MATN2: variants seen among roughly 807,000 people sequenced by gnomAD.
The protein encoded by MATN2 is matrilin-2.
Under a neutral mutation model 103.2 loss-of-function variants are expected in MATN2, and 69 were observed. The ratio of observed to expected loss-of-function variants is 0.67; its 90% CI spans 0.55 to 0.82. The LOEUF is 0.82. MATN2 is among the 40% of genes least tolerant of loss of function. The pLI, the probability that MATN2 is intolerant of heterozygous loss-of-function variation, is 0.00. For synonymous variants in MATN2, 429 were observed against 450.2 expected, an observed-to-expected ratio of 0.95 and a Z score of 0.60; for missense variants, 1,023 against 1,211.5, an observed-to-expected ratio of 0.84 and a Z score of 2.31.
intron 1 of MATN2, among the ~76,000 whole-genome samples, chr8:97,882,422 T>C (rs910858756): frequency 4.6e-4 from 70 of 152,098 alleles, no homozygotes; most frequent in African/African-American, 1.6e-3. Context: ...GGCCGGGTCT[T>C]GCTCTGTCAC....
chr8:97,938,753 T>C (rs1414322409), intron 3 of MATN2, among the ~76,000 whole-genome samples: 1 of 152,216 alleles, frequency 6.6e-6, no homozygotes, highest in Non-Finnish European at 1.5e-5. Context: ...ACTAAACCAT[T>C]GCTCCATATA....
intron 3 of MATN2, among the ~76,000 whole-genome samples, chr8:97,933,517 G>A (rs916823595): frequency 7.3e-6 from 1 of 137,814 alleles, no homozygotes; most frequent in Non-Finnish European, 1.6e-5. Context: ...GGGACTGACC[G>A]CCCCCCTCCC....
intron 2 of MATN2, among the ~76,000 whole-genome samples, chr8:97,891,374 G>A (rs1377448575): frequency 6.6e-6 from 1 of 152,042 alleles, no homozygotes; most frequent in Non-Finnish European, 1.5e-5. Context: ...GGGTCTCACT[G>A]TCTCCCAGGC....
chr8:98,008,711 G>A (rs1041207858), intron 10 of MATN2, among the ~76,000 whole-genome samples: 6 of 152,168 alleles, frequency 3.9e-5, no homozygotes, highest in Admixed American at 1.3e-4. Flanking sequence ...AAGAGGGTGG[G>A]TGTGTTGAAC....
At chr8:97,872,866 C>T (rs549392948) in intron 1 of MATN2, among the ~76,000 whole-genome samples, 1 of 152,046 alleles carries the variant, frequency 6.6e-6, no homozygotes, top group East Asian at 1.9e-4. Context: ...GTGATCTTGG[C>T]TCACTGCAGC....
intron 1 of MATN2, among the ~76,000 whole-genome samples, chr8:97,878,126 AAC>A (rs1295117816): frequency 6.6e-6 from 1 of 152,248 alleles, no homozygotes; most frequent in African/African-American, 2.4e-5. Flanking sequence ...TTTCTAAATT[AAC>A]ACATTATTTT....
At position 97,922,880 on chromosome 8, in the gene MATN2, TG is replaced by T. The variant is rs371465041; in HGVS notation, c.143-8072del. Among the ~76,000 whole-genome samples, 22 of 152,352 alleles carry T rather than the reference TG, an allele frequency of 1.4e-4. No homozygotes were observed. The East Asian group carries it at 4.2e-3, about 29-fold the overall frequency. On this transcript the variant is annotated intron_variant, in intron 2 of 18. Coordinates refer to ENST00000254898, the MANE Select transcript of MATN2 (RefSeq NM_002380.5). ...TATCTTTTTGGTCTGCCTGCTTCAT[TG>T]TATCCCGTTATTGTGTCCTTTTCAC... is the stretch of plus-strand genomic sequence containing the variant.
chr8:98,026,664 T>C (rs893035667), intron 13 of MATN2, among the ~76,000 whole-genome samples: 3 of 152,202 alleles, frequency 2.0e-5, no homozygotes, highest in Admixed American at 1.3e-4. Context: ...CTGAACACTT[T>C]TTTTGTGCCA....
chr8:98,026,230 A>T (rs2130442454), intron 13 of MATN2, among the ~76,000 whole-genome samples: 2 of 145,932 alleles, frequency 1.4e-5, no homozygotes, highest in East Asian at 2.1e-4. Flanking sequence ...TAAAGAATTT[A>T]TGGTGATAAC....
chr8:97,943,050 A>G (rs969442264), intron 4 of MATN2, among the ~76,000 whole-genome samples: 1 of 152,142 alleles, frequency 6.6e-6, no homozygotes, highest in Non-Finnish European at 1.5e-5. Context: ...AGTTGAGTGC[A>G]GCCTGAATCA....
At chr8:97,903,420 G>A (rs577248970) in intron 2 of MATN2, among the ~76,000 whole-genome samples, 75 of 152,340 alleles carry the variant, frequency 4.9e-4, no homozygotes, top group African/African-American at 1.7e-3. Flanking sequence ...AAGGGTAACA[G>A]TAGAATCTAA....
intron 10 of MATN2, among the ~76,000 whole-genome samples, chr8:98,010,122 C>G (rs548000414): frequency 6.6e-6 from 1 of 152,290 alleles, no homozygotes; most frequent in East Asian, 1.9e-4. Context: ...TCACCCCAGG[C>G]CCTCCCTGAA....
At chr8:97,901,586 G>A (rs984186646) in intron 2 of MATN2, among the ~76,000 whole-genome samples, 3 of 152,108 alleles carry the variant, frequency 2.0e-5, no homozygotes, top group Non-Finnish European at 2.9e-5. Flanking sequence ...ATTTGCTTGG[G>A]TAATCATTGA....
At chr8:97,893,584 ATTTATTTATTTAT>A (rs1563650479) in intron 2 of MATN2, among the ~76,000 whole-genome samples, 1 of 148,244 alleles carries the variant, frequency 6.7e-6, no homozygotes, top group Non-Finnish European at 1.5e-5. Flanking sequence ...TTATTTATTT[ATTTATTTATTTAT>A]GATAGAGTCT....
At chr8:97,904,617 CG>C (rs201269803) in intron 2 of MATN2, among the ~76,000 whole-genome samples, 1 of 152,260 alleles carries the variant, frequency 6.6e-6, no homozygotes, top group East Asian at 1.9e-4. Flanking sequence ...TTTCAACACA[CG>C]TATTGCTTGC....
intron 7 of MATN2, among the ~76,000 whole-genome samples, chr8:97,995,354 A>G (rs1370781749): frequency 2.0e-5 from 3 of 152,230 alleles, no homozygotes; most frequent in Non-Finnish European, 4.4e-5. Context: ...GAATCTTTCT[A>G]TGATGTATCA....
intron 3 of MATN2, among the ~76,000 whole-genome samples, chr8:97,933,415 G>T (rs1810263680): frequency 6.6e-6 from 1 of 152,124 alleles, no homozygotes; most frequent in Admixed American, 6.5e-5. Flanking sequence ...CATTTGTGTT[G>T]GAAAATTTTA....
chr8:97,953,220 A>C (rs1305945316), intron 4 of MATN2, among the ~76,000 whole-genome samples: 1 of 151,932 alleles, frequency 6.6e-6, no homozygotes, highest in Non-Finnish European at 1.5e-5. Context: ...TGCAGCTTTT[A>C]TAGGTACCCA....
At chr8:97,913,215 G>C (rs972413191) in intron 2 of MATN2, among the ~76,000 whole-genome samples, 1 of 152,188 alleles carries the variant, frequency 6.6e-6, no homozygotes, top group African/African-American at 2.4e-5. Context: ...GATAGTCTGG[G>C]AAATATTTGT....
Sources: gnomAD v4.1 joint callset for allele counts (sites outside exome capture counted in the v4.1 genomes callset) on GRCh38, gnomAD v4.1.1 for gene constraint, MANE v1.5 for transcripts, NCBI Gene and HGNC (gene_info 2026-07-23, HGNC 2026-07-21) for gene names.